BIRC3: variants seen among roughly 807,000 people sequenced by gnomAD.
BIRC3 encodes baculoviral IAP repeat containing 3.
A neutral mutation model predicts 59.0 loss-of-function variants in BIRC3; 26 were observed. That is an observed-to-expected ratio of 0.44 (90% CI 0.32 to 0.61). The LOEUF (loss-of-function observed/expected upper bound fraction) is 0.61. BIRC3 is among the 20% of genes least tolerant of loss of function. BIRC3 has a pLI of 0.04. For synonymous variants in BIRC3, 243 were observed against 249.2 expected, an observed-to-expected ratio of 0.98 and a Z score of 0.24; for missense variants, 641 against 711.5, an observed-to-expected ratio of 0.90 and a Z score of 1.13.
Position 102,337,242 on chromosome 11 carries a change from A to G in BIRC3, c.*140A>G, listed in dbSNP as rs1211843843. ...ACATTGTTTTGTGTAACATATTTAT[A>G]TATGTATCTAAACCATATGAACATA... On this transcript the variant is annotated 3_prime_UTR_variant, in exon 9 of 9. Coordinates refer to ENST00000263464, the MANE Select transcript of BIRC3 (RefSeq NM_001165.5). 4.5e-5 allele frequency: 26 copies of G among 580,838 alleles called. No individual in the cohort carries two copies. Among genetic ancestry groups the G allele is most frequent in the Non-Finnish European group, 6.2e-5 (23 of 371,206 alleles). The allele number at this position is 580,838 out of a possible 1,614,324, so 36.0% of individuals were successfully genotyped here. A position where few individuals can be genotyped will look rare whatever the true frequency, so the allele number is the denominator to read the frequency against.
chr11:102,318,648 A>T (rs1307140025), intron 1 of BIRC3, among the ~76,000 whole-genome samples: 2 of 152,214 alleles, frequency 1.3e-5, no homozygotes, highest in African/African-American at 2.4e-5. Flanking sequence ...AAGGGTAGGG[A>T]TGCCCAACAG....
intron 6 of BIRC3, among the ~76,000 whole-genome samples, chr11:102,331,517 T>C (rs1951138622): frequency 6.6e-6 from 1 of 152,198 alleles, no homozygotes; most frequent in Admixed American, 6.5e-5. Flanking sequence ...TGTGTCCAAT[T>C]ATGCATTCAT....
chr11:102,330,153 G>A (rs1234647015), intron 5 of BIRC3, among the ~76,000 whole-genome samples: 2 of 152,184 alleles, frequency 1.3e-5, no homozygotes, highest in Non-Finnish European at 2.9e-5. Context: ...AAATCCAAGG[G>A]AAGAGTAGGA....
At chr11:102,327,180 A>G (rs1951091788) in intron 3 of BIRC3, among the ~76,000 whole-genome samples, 1 of 152,226 alleles carries the variant, frequency 6.6e-6, no homozygotes, top group Non-Finnish European at 1.5e-5. Context: ...CTAAATGAAT[A>G]GTAAATTGAT....
rs1283613790 is a variant in BIRC3 at position 102,338,925 on chromosome 11, C to T, written c.*1823C>T. 3 of 220,288 alleles carry T rather than the reference C, an allele frequency of 1.4e-5. No individual in the cohort carries two copies. The highest frequency in any genetic ancestry group is 1.2e-4 in the Admixed American group (2 of 17,288). The allele number at this position is 220,288 out of a possible 1,614,324, so 13.6% of individuals were successfully genotyped here. Reference sequence around the variant, plus strand: ...TCAGAGAAAAACTTTGCTTCTGAGGCCTTCACTTTGGGTTTTCTGAGCCCC... The same window carrying T: ...TCAGAGAAAAACTTTGCTTCTGAGGTCTTCACTTTGGGTTTTCTGAGCCCC... On this transcript the variant is annotated 3_prime_UTR_variant, in exon 9 of 9. Coordinates refer to ENST00000263464, the MANE Select transcript of BIRC3 (RefSeq NM_001165.5).
At chr11:102,318,006 G>A (rs1950989102) in intron 1 of BIRC3, among the ~76,000 whole-genome samples, 1 of 152,134 alleles carries the variant, frequency 6.6e-6, no homozygotes, top group African/African-American at 2.4e-5. Flanking sequence ...AGCAGTTTTT[G>A]GTTGTCTTCC....
intron 1 of BIRC3, among the ~76,000 whole-genome samples, chr11:102,317,953 A>T (rs574311351): frequency 6.6e-6 from 1 of 152,300 alleles, no homozygotes; most frequent in Non-Finnish European, 1.5e-5. Flanking sequence ...TAAAACGTTT[A>T]ATGAGCAAAT....
chr11:102,328,873 TATATATA>T lies in BIRC3; in HGVS notation c.1033-23_1033-17del, dbSNP rs755623650. The T allele has an allele frequency of 2.5e-5, 21 of 856,088 alleles. No individual in the cohort carries two copies. Among genetic ancestry groups the T allele is most frequent in the African/African-American group, 9.3e-5 (5 of 53,838 alleles). 53.0% of individuals were successfully genotyped at this position (856,088 alleles called of 1,614,324 possible). A position where few individuals can be genotyped will look rare whatever the true frequency, so the allele number is the denominator to read the frequency against. ...CTATTTTAATTTATATATATATATA[TATATATA>T]TTTTTTTTTTCTGCAGCTGCTATCC... On this transcript the variant is annotated splice_polypyrimidine_tract_variant and intron_variant, in intron 4 of 8. Coordinates refer to ENST00000263464, the MANE Select transcript of BIRC3 (RefSeq NM_001165.5).
At chr11:102,328,453 T>G (rs1359712569) in intron 4 of BIRC3, among the ~76,000 whole-genome samples, 1 of 152,118 alleles carries the variant, frequency 6.6e-6, no homozygotes, top group Non-Finnish European at 1.5e-5. Context: ...AAAGAGAATT[T>G]TATTGCTTTT....
At position 102,338,918 on chromosome 11, in the gene BIRC3, T is replaced by G. The variant is rs1380056101; in HGVS notation, c.*1816T>G. On this transcript the variant is annotated 3_prime_UTR_variant, in exon 9 of 9. Transcript: ENST00000263464. ...GATAACATCAGAGAAAAACTTTGCT[T>G]CTGAGGCCTTCACTTTGGGTTTTCT... The G allele has an allele frequency of 4.5e-6, 1 of 220,638 alleles. No individual in the cohort carries two copies. Among genetic ancestry groups the G allele is most frequent in the Non-Finnish European group, 9.1e-6 (1 of 110,188 alleles). The allele number at this position is 220,638 out of a possible 1,614,324, so 13.7% of individuals were successfully genotyped here. A position where few individuals can be genotyped will look rare whatever the true frequency, so the allele number is the denominator to read the frequency against.
At chr11:102,330,804 A>G (rs935230732) in intron 5 of BIRC3, among the ~76,000 whole-genome samples, 195 bp from the exon 6 acceptor site, 3 of 152,208 alleles carry the variant, frequency 2.0e-5, no homozygotes, top group African/African-American at 7.2e-5. Context: ...ACAATATTCC[A>G]AGTTGTTATT....
In BIRC3 at chr11:102,337,261, GA is replaced by G. The variant is rs1951206506; in HGVS notation, c.*161del. 4 of 479,778 alleles carry G rather than the reference GA, an allele frequency of 8.3e-6. No individual in the cohort carries two copies. Among genetic ancestry groups the G allele is most frequent in the African/African-American group, 8.0e-5 (4 of 49,708 alleles). The allele number at this position is 479,778 out of a possible 1,614,324, so 29.7% of individuals were successfully genotyped here. A position where few individuals can be genotyped will look rare whatever the true frequency, so the allele number is the denominator to read the frequency against. On this transcript the variant is annotated 3_prime_UTR_variant, in exon 9 of 9. Transcript: ENST00000263464. Reference sequence around the variant, plus strand: ...ATTTATATATGTATCTAAACCATATGAACATATATTTTTTAGAAACTAAGAG... The same window carrying G: ...ATTTATATATGTATCTAAACCATATGACATATATTTTTTAGAAACTAAGAG...
chr11:102,328,639 C>A (rs1032366454), intron 4 of BIRC3, among the ~76,000 whole-genome samples: 1 of 152,052 alleles, frequency 6.6e-6, no homozygotes, highest in Admixed American at 6.6e-5. Flanking sequence ...AAGATATAGT[C>A]CGTTTCCTGC....
At position 102,324,558 on chromosome 11, in the gene BIRC3, G is replaced by C. The variant is rs186307109; in HGVS notation, c.49G>C (p.Ala17Pro). Residue 17 changes from alanine to proline, a missense_variant, in exon 2 of 9, where the codon GCC becomes CCC. This residue lies in a region of BIRC3 where 329 missense variants were observed against 365.6 expected (regional missense o/e 0.90). Transcript: ENST00000263464. ...SIFLSNLMKSANTFELKYDLS... is the reference protein window; with the variant it reads ...SIFLSNLMKSPNTFELKYDLS... ...ATTCTTATCAAATTTGATGAAAAGC[G>C]CCAACACGTTTGAACTGAAATACGA... 6.2e-7 allele frequency: 1 copy of C among 1,613,848 alleles called. No homozygotes were observed. The highest frequency in any genetic ancestry group is 8.5e-7 in the Non-Finnish European group (1 of 1,179,862).
At chr11:102,333,242 A>G (rs1350132198) in intron 6 of BIRC3, among the ~76,000 whole-genome samples, 1 of 152,116 alleles carries the variant, frequency 6.6e-6, no homozygotes, top group East Asian at 1.9e-4. Flanking sequence ...TAAAGAGGTA[A>G]TTTAAGATTT....
In BIRC3 at chr11:102,338,638, C is replaced by A. The variant is rs1320604301; in HGVS notation, c.*1536C>A. The A allele has an allele frequency of 4.4e-6, 1 of 229,020 alleles. No individual in the cohort carries two copies. Among genetic ancestry groups the A allele is most frequent in the Non-Finnish European group, 8.7e-6 (1 of 115,470 alleles). The allele number at this position is 229,020 out of a possible 1,614,324, so 14.2% of individuals were successfully genotyped here. On this transcript the variant is annotated 3_prime_UTR_variant, in exon 9 of 9. Coordinates refer to ENST00000263464, the MANE Select transcript of BIRC3 (RefSeq NM_001165.5). ...TATTCTTGGTCTCTGTGCAGCATTC[C>A]TTCCTCCTGGATATAGGGCAGGGCC...
intron 7 of BIRC3, chr11:102,336,500 G>A (rs754361975): frequency 4.5e-5 from 25 of 558,034 alleles, no homozygotes; most frequent in Non-Finnish European, 7.4e-5. Context: ...AGGATGAGGT[G>A]GGAGGATGGC....
intron 6 of BIRC3, among the ~76,000 whole-genome samples, chr11:102,335,301 A>C (rs945928131): frequency 3.3e-5 from 5 of 152,234 alleles, no homozygotes; most frequent in African/African-American, 1.2e-4. Flanking sequence ...TTAAGAAAAA[A>C]TTGTTTTAAT....
chr11:102,322,935 AT>A lies in BIRC3; in HGVS notation c.-1567del, dbSNP rs3834449. ...CTGCTGTTGAAATGGTAAATTTATT[AT>A]TTTTTTTGTCATGATAAATTCTGGT... On this transcript the variant is annotated 5_prime_UTR_variant, in exon 2 of 9. An upstream open reading frame in the 5' UTR loses its in-frame stop. Transcript: ENST00000263464. 6.8e-4 allele frequency: 139 copies of A among 204,324 alleles called. 1 individual carries two copies. The East Asian group carries it at 8.5e-3, about 12-fold the overall frequency. The allele number at this position is 204,324 out of a possible 1,614,324, so 12.7% of individuals were successfully genotyped here.
Sources: allele counts gnomAD v4.1 joint callset (sites outside exome capture counted in the v4.1 genomes callset), GRCh38; gene constraint gnomAD v4.1.1; regional missense constraint gnomAD v4.1.1; transcripts MANE v1.5; gene names NCBI Gene and HGNC (gene_info 2026-07-23, HGNC 2026-07-21).